Variants in RAB3C observed in about 807,000 individuals in gnomAD.
RAB3C encodes the protein RAB3C, member RAS oncogene family.
In RAB3C, 17 loss-of-function variants were observed where a neutral mutation model predicts 26.4. That is an observed-to-expected ratio of 0.64 (90% CI 0.44 to 0.97). The LOEUF (loss-of-function observed/expected upper bound fraction) is 0.97, where lower values mean the gene tolerates loss of function less well. RAB3C is among the 50% of genes least tolerant of loss of function. The pLI is 0.00. For missense variants in RAB3C, 242 were observed against 281.9 expected (o/e 0.86, Z 1.01); for synonymous variants, 91 against 95.9 (o/e 0.95, Z 0.30).
chr5:58,692,527 G>T (rs919109140), intron 2 of RAB3C, among the ~76,000 whole-genome samples: 3 of 151,616 alleles, frequency 2.0e-5, no homozygotes, highest in African/African-American at 7.3e-5. Flanking sequence ...CAGTTAGAAC[G>T]TTACATATTC....
At chr5:58,635,619 G>C (rs1248302942) in intron 2 of RAB3C, among the ~76,000 whole-genome samples, 1 of 152,158 alleles carries the variant, frequency 6.6e-6, no homozygotes, top group Admixed American at 6.5e-5. Context: ...TGCCTGTCAG[G>C]ACCAGGGTTT....
intron 2 of RAB3C, among the ~76,000 whole-genome samples, chr5:58,695,535 C>G (rs1421485690): frequency 1.3e-5 from 2 of 152,138 alleles, no homozygotes; most frequent in Admixed American, 6.5e-5. Context: ...TTTCACAATA[C>G]TGATTCTTTC....
At chr5:58,692,377 A>T (rs1473231395) in intron 2 of RAB3C, among the ~76,000 whole-genome samples, 1 of 152,014 alleles carries the variant, frequency 6.6e-6, no homozygotes, top group East Asian at 1.9e-4. Flanking sequence ...GAATAGACTG[A>T]CCTCATATTT....
chr5:58,725,344 C>G (rs1740865949), intron 2 of RAB3C, among the ~76,000 whole-genome samples: 1 of 151,730 alleles, frequency 6.6e-6, no homozygotes, highest in Admixed American at 6.6e-5. Context: ...GTACTTGCTG[C>G]TTTTAGGATT....
chr5:58,844,160 T>G (rs906941292), intron 4 of RAB3C, among the ~76,000 whole-genome samples: 2 of 152,124 alleles, frequency 1.3e-5, no homozygotes, highest in Non-Finnish European at 2.9e-5. Flanking sequence ...AAAGTTTCTT[T>G]CTGGGGGGTG....
intron 2 of RAB3C, among the ~76,000 whole-genome samples, chr5:58,642,973 T>C (rs1214605875): frequency 6.6e-6 from 1 of 152,236 alleles, no homozygotes. Context: ...TGTGATGAAT[T>C]GAAAGGTAGA....
intron 2 of RAB3C, among the ~76,000 whole-genome samples, chr5:58,622,888 T>C (rs1241661004): frequency 6.6e-6 from 1 of 152,164 alleles, no homozygotes; most frequent in East Asian, 1.9e-4. Flanking sequence ...CTTGACCACA[T>C]GGTAGAAGAG....
intron 2 of RAB3C, among the ~76,000 whole-genome samples, chr5:58,671,219 C>T (rs557344158): frequency 5.3e-5 from 8 of 152,086 alleles, no homozygotes; most frequent in South Asian, 2.1e-4. Context: ...GATCAAAGCA[C>T]GCTATGTTTT....
At chr5:58,693,885 A>C (rs983194774) in intron 2 of RAB3C, among the ~76,000 whole-genome samples, 1 of 152,110 alleles carries the variant, frequency 6.6e-6, no homozygotes, top group Non-Finnish European at 1.5e-5. Context: ...TTGACAACCC[A>C]GTCCATCCAA....
intron 2 of RAB3C, among the ~76,000 whole-genome samples, chr5:58,699,095 C>T (rs1748783007): frequency 6.6e-6 from 1 of 152,076 alleles, no homozygotes; most frequent in African/African-American, 2.4e-5. Context: ...TGTTGGTGAC[C>T]TACACATGGG....
intron 2 of RAB3C, chr5:58,644,222 T>C (rs997166963): frequency 2.0e-4 from 31 of 152,180 alleles, no homozygotes; most frequent in African/African-American, 6.3e-4. Flanking sequence ...TTGTGAGAAA[T>C]TGAGTCAGAT....
chr5:58,663,475 T>G (rs1833611), intron 2 of RAB3C, among the ~76,000 whole-genome samples: 32,476 of 149,954 alleles, frequency 0.22, 4,405 homozygotes, highest in East Asian at 0.34. Flanking sequence ...AAATTAATTT[T>G]GATCATCTTA....
At chr5:58,669,025 T>C (rs142552672) in intron 2 of RAB3C, among the ~76,000 whole-genome samples, 1 of 152,216 alleles carries the variant, frequency 6.6e-6, no homozygotes, top group Non-Finnish European at 1.5e-5. Context: ...GAGAGCTATC[T>C]CATGTCTCTT....
At chr5:58,603,423 A>C (rs566545116) in intron 1 of RAB3C, among the ~76,000 whole-genome samples, 1 of 152,148 alleles carries the variant, frequency 6.6e-6, no homozygotes, top group South Asian at 2.1e-4. Context: ...AAGCTTTTAG[A>C]ATTGTCTTCT....
intron 2 of RAB3C, among the ~76,000 whole-genome samples, chr5:58,719,815 A>T (rs1428247561): frequency 6.6e-6 from 1 of 151,924 alleles, no homozygotes; most frequent in African/African-American, 2.4e-5. Flanking sequence ...TGACCTACCT[A>T]CTGGGTACAG....
At chr5:58,690,322 C>A (rs1748544125) in intron 2 of RAB3C, among the ~76,000 whole-genome samples, 1 of 152,094 alleles carries the variant, frequency 6.6e-6, no homozygotes, top group African/African-American at 2.4e-5. Flanking sequence ...TATACCAAAA[C>A]TAAGTTTTAG....
chr5:58,639,538 G>T (rs2111765215), intron 2 of RAB3C, among the ~76,000 whole-genome samples: 1 of 152,208 alleles, frequency 6.6e-6, no homozygotes, highest in East Asian at 1.9e-4. Flanking sequence ...AGAGAGCCCT[G>T]ATCTCTCTTC....
At chr5:58,777,436 C>T (rs1306052997) in intron 3 of RAB3C, among the ~76,000 whole-genome samples, 1 of 152,100 alleles carries the variant, frequency 6.6e-6, no homozygotes, top group Non-Finnish European at 1.5e-5. Context: ...AGATCCACCT[C>T]AAATATTACT....
At chr5:58,655,308 G>A (rs1479155221) in intron 2 of RAB3C, among the ~76,000 whole-genome samples, 1 of 152,206 alleles carries the variant, frequency 6.6e-6, no homozygotes, top group Non-Finnish European at 1.5e-5. Context: ...AAAAGGTTTT[G>A]CAGTGACCAA....
Sources: allele counts gnomAD v4.1 joint callset (sites outside exome capture counted in the v4.1 genomes callset), GRCh38; gene constraint gnomAD v4.1.1; transcripts MANE v1.5; gene names NCBI Gene and HGNC (gene_info 2026-07-23, HGNC 2026-07-21).